Variants in HAPLN3 observed in about 807,000 individuals in gnomAD.
HAPLN3 encodes the protein extracellular link domain containing, 1.
A neutral mutation model predicts 28.1 loss-of-function variants in HAPLN3; 28 were observed. The observed-to-expected ratio is 1.00, with a 90% CI of 0.74 to 1.37. The LOEUF is 1.37. HAPLN3 is among the 40% of genes most tolerant of loss of function. HAPLN3 has a pLI of 0.00. For missense variants in HAPLN3, 513 were observed against 504.6 expected (o/e 1.02, Z -0.16); for synonymous variants, 211 against 213.1 (o/e 0.99, Z 0.09).
At position 88,887,261 on chromosome 15, in the gene HAPLN3, G is replaced by C. The variant is rs1251377970; in HGVS notation, c.38C>G (p.Pro13Arg). 6.2e-7 allele frequency: 1 copy of C among 1,614,146 alleles called. No homozygotes were observed. ...GTAGAAGGGCAGTCCGTAGGAGCCG[G>C]GCAGCAGGAGCAACGGGACCAGGAG... ...LLLLVPLLLL[P>R]GSYGLPFYNG... The change falls in exon 2 of 5, where the codon CCC becomes CGC. Residue 13 changes from proline to arginine, a missense_variant. Coordinates refer to ENST00000359595, the MANE Select transcript of HAPLN3 (RefSeq NM_178232.4).
chr15:88,893,488 T>C (rs1898069482), intron 1 of HAPLN3, among the ~76,000 whole-genome samples: 1 of 151,790 alleles, frequency 6.6e-6, no homozygotes, highest in Non-Finnish European at 1.5e-5. Context: ...ATGCAGCAGG[T>C]GCTCAACAAA....
chr15:88,877,836 TAAA>T lies in HAPLN3; in HGVS notation c.*131_*133del, dbSNP rs545619979. ...GTTCTGTTTGCTTTACAAAAAATAGTAAAAAAATGTTTAAAGAAAATTTAAATT... is the reference window on the plus strand; with the variant it reads ...GTTCTGTTTGCTTTACAAAAAATAGTAAAATGTTTAAAGAAAATTTAAATT... On this transcript the variant is annotated 3_prime_UTR_variant, in exon 5 of 5. Coordinates refer to ENST00000359595, the MANE Select transcript of HAPLN3 (RefSeq NM_178232.4). This position sits in a 1 kb window ranked among gnomAD's most constrained non-coding sequence, Gnocchi z 5.1. 4.3e-6 allele frequency: 4 copies of T among 926,942 alleles called. No homozygotes were observed. Among genetic ancestry groups the T allele is most frequent in the Non-Finnish European group, 6.3e-6 (4 of 634,450 alleles). 57.4% of individuals were successfully genotyped at this position (926,942 alleles called of 1,614,324 possible).
chr15:88,893,252 T>A (rs1898061147), intron 1 of HAPLN3: 2 of 599,994 alleles, frequency 3.3e-6, no homozygotes, highest in Non-Finnish European at 6.0e-6. Flanking sequence ...CCCCCATCTC[T>A]AATGAAAATA....
chr15:88,894,515 T>C (rs1453380068), intron 1 of HAPLN3, among the ~76,000 whole-genome samples: 2 of 152,178 alleles, frequency 1.3e-5, no homozygotes, highest in Non-Finnish European at 2.9e-5. Context: ...TCCCTGTCCC[T>C]GTTTGCACAA....
chr15:88,895,248 G>A lies in HAPLN3; in HGVS notation c.-48+211C>T, dbSNP rs1898127066. 6.6e-6 allele frequency among the ~76,000 whole-genome samples: 1 copy of A among 152,088 alleles called. No individual in the cohort carries two copies. The highest frequency in any genetic ancestry group is 2.4e-5 in the African/African-American group (1 of 41,410). ...GAGGGTCCGGCGCCCGCATCCCCGC[G>A]CCGCTCCCTCCCCACTTGTGCCCCG... On this transcript the variant is annotated intron_variant, in intron 1 of 4. Transcript: ENST00000359595. The surrounding 1 kb of genome is among the most constrained non-coding windows in gnomAD (Gnocchi z 5.5).
chr15:88,892,465 A>G (rs1332582467), intron 1 of HAPLN3, among the ~76,000 whole-genome samples: 1 of 151,998 alleles, frequency 6.6e-6, no homozygotes, highest in Non-Finnish European at 1.5e-5. Context: ...TCAAAAAAAA[A>G]AGAAAAGAAA....
chr15:88,891,402 A>G (rs111444379), intron 1 of HAPLN3, among the ~76,000 whole-genome samples: 22,894 of 151,190 alleles, frequency 0.15, 2,168 homozygotes, highest in South Asian at 0.28. Flanking sequence ...GTTCAAATGA[A>G]TCTCCTGCCT....
Position 88,881,442 on chromosome 15 carries a change from C to G in HAPLN3, c.408G>C (p.Leu136=). The change falls in exon 3 of 5, where the codon CTG becomes CTC. Residue 136 remains leucine (L), a synonymous_variant. Transcript: ENST00000359595. This position sits in a 1 kb window ranked among gnomAD's most constrained non-coding sequence, Gnocchi z 6.0. ...EHDVSLEIQD[L]RLEDYGRYRC... is the part of the protein sequence containing the mutation. ...GGTAACGCCCATAGTCCTCCAGCCG[C>G]AGATCCTGGATCTCCAGCGAGACGT... The G allele has an allele frequency of 6.2e-7, 1 of 1,614,102 alleles. No homozygotes were observed. Among genetic ancestry groups the G allele is most frequent in the Non-Finnish European group, 8.5e-7 (1 of 1,180,042 alleles).
At position 88,880,529 on chromosome 15, in the gene HAPLN3, G is replaced by C. The variant is rs1262467338; in HGVS notation, c.493+828C>G. 2.3e-6 allele frequency: 3 copies of C among 1,284,610 alleles called. No individual in the cohort carries two copies. The highest frequency in any genetic ancestry group is 4.6e-5 in the Admixed American group (2 of 43,524). 79.6% of individuals were successfully genotyped at this position (1,284,610 alleles called of 1,614,324 possible). ...CACATGTCATAGCTGGGACGGGCTG[G>C]GGCTAAAGTCAGGTCACCTTCCTCT... is the stretch of plus-strand genomic sequence containing the variant. On this transcript the variant is annotated intron_variant, in intron 3 of 4. Transcript: ENST00000359595. The surrounding 1 kb of genome is among the most constrained non-coding windows in gnomAD (Gnocchi z 6.0).
chr15:88,890,708 TC>T (rs1278161226), intron 1 of HAPLN3, among the ~76,000 whole-genome samples: 1 of 152,134 alleles, frequency 6.6e-6, no homozygotes, highest in Non-Finnish European at 1.5e-5. Context: ...CAGATGCCTT[TC>T]CCTGGTATTC....
At chr15:88,893,805 G>A (rs745907689) in intron 1 of HAPLN3, among the ~76,000 whole-genome samples, 3 of 151,836 alleles carry the variant, frequency 2.0e-5, no homozygotes, top group Non-Finnish European at 4.4e-5. Context: ...ATGAGCGCTT[G>A]TAGTCCCAGC....
chr15:88,879,561 C>T lies in HAPLN3; in HGVS notation c.494-292G>A. The T allele has an allele frequency of 7.1e-7, 1 of 1,405,934 alleles. No homozygotes were observed. The highest frequency in any genetic ancestry group is 9.4e-7 in the Non-Finnish European group (1 of 1,063,620). 87.1% of individuals were successfully genotyped at this position (1,405,934 alleles called of 1,614,324 possible). A position where few individuals can be genotyped will look rare whatever the true frequency, so the allele number is the denominator to read the frequency against. On this transcript the variant is annotated intron_variant, in intron 3 of 4. Transcript: ENST00000359595. This position sits in a 1 kb window ranked among gnomAD's most constrained non-coding sequence, Gnocchi z 5.0. ...TAATCCGCAAGGCTGTCGCCAGACCCCCAGTGAGGCTGTGCCATCTTCTCC... is the reference window on the plus strand; with the variant it reads ...TAATCCGCAAGGCTGTCGCCAGACCTCCAGTGAGGCTGTGCCATCTTCTCC...
At chr15:88,887,028 C>G in intron 2 of HAPLN3, 147 bp downstream of exon 2, 1 of 855,294 alleles carries the variant, frequency 1.2e-6, no homozygotes, top group East Asian at 2.4e-5. Flanking sequence ...CTTCCCCTGT[C>G]TGAGAAGCAA....
Position 88,880,587 on chromosome 15 carries a change from G to C in HAPLN3, c.493+770C>G, listed in dbSNP as rs548111448. 2.3e-6 allele frequency: 3 copies of C among 1,288,814 alleles called. No individual in the cohort carries two copies. The highest frequency in any genetic ancestry group is 1.2e-5 in the South Asian group (1 of 80,984). The allele number at this position is 1,288,814 out of a possible 1,614,324, so 79.8% of individuals were successfully genotyped here. A position where few individuals can be genotyped will look rare whatever the true frequency, so the allele number is the denominator to read the frequency against. On this transcript the variant is annotated intron_variant, in intron 3 of 4. Coordinates refer to ENST00000359595, the MANE Select transcript of HAPLN3 (RefSeq NM_178232.4). The surrounding 1 kb of genome is among the most constrained non-coding windows in gnomAD (Gnocchi z 6.0). ...AACTGCCTCCCTAACATGTGGGAGA[G>C]ATGTGAGGACACACAGCCCCATCCT...
intron 1 of HAPLN3, among the ~76,000 whole-genome samples, chr15:88,893,396 C>T (rs113816368): frequency 1.4e-4 from 21 of 150,646 alleles, no homozygotes; most frequent in Admixed American, 1.1e-3. Context: ...CCAGACTGGC[C>T]GACAGAGCAA....
Position 88,893,232 on chromosome 15 carries a change from C to A in HAPLN3, c.-48+2227G>T, listed in dbSNP as rs370706637. On this transcript the variant is annotated intron_variant, in intron 1 of 4. Coordinates refer to ENST00000359595, the MANE Select transcript of HAPLN3 (RefSeq NM_178232.4). Reference sequence around the variant, plus strand: ...AGGAGTTCGAGACTGGCCTGGCCAACACAGTGAAACCCCCATCTCTAATGA... The same window carrying A: ...AGGAGTTCGAGACTGGCCTGGCCAAAACAGTGAAACCCCCATCTCTAATGA... The A allele has an allele frequency of 2.4e-3, 1,487 of 622,594 alleles. 11 individuals are homozygous for A. The highest frequency in any genetic ancestry group is 4.9e-3 in the South Asian group (267 of 54,114). 38.6% of individuals were successfully genotyped at this position (622,594 alleles called of 1,614,324 possible).
intron 1 of HAPLN3, among the ~76,000 whole-genome samples, chr15:88,889,399 G>C (rs1028986773): frequency 2.7e-4 from 41 of 152,270 alleles, no homozygotes; most frequent in African/African-American, 8.7e-4. Context: ...GCCGTGGCAA[G>C]ATCTGAGCTC....
rs1027495043 is a variant in HAPLN3, at chr15:88,879,426, C to T, written c.494-157G>A. On this transcript the variant is annotated intron_variant, in intron 3 of 4. Coordinates refer to ENST00000359595, the MANE Select transcript of HAPLN3 (RefSeq NM_178232.4). This position sits in a 1 kb window ranked among gnomAD's most constrained non-coding sequence, Gnocchi z 5.0. ...CTCAGCAAACCTCTGACCTCCTGTC[C>T]GTTGCCGCCTCTCTCCTGGGACTCA... 1.5e-5 allele frequency: 23 copies of T among 1,534,974 alleles called. No individual in the cohort carries two copies. Among genetic ancestry groups the T allele is most frequent in the African/African-American group, 1.4e-4 (10 of 73,038 alleles).
chr15:88,884,845 A>C (rs72749905), intron 2 of HAPLN3, among the ~76,000 whole-genome samples: 14,853 of 152,244 alleles, frequency 0.098, 830 homozygotes, highest in Non-Finnish European at 0.13. Flanking sequence ...AAGGAGGCAG[A>C]GCCTGCAGTG....
Sources: allele counts gnomAD v4.1 joint callset (sites outside exome capture counted in the v4.1 genomes callset), GRCh38; gene constraint gnomAD v4.1.1; non-coding constraint Gnocchi (gnomAD v3.1); transcripts MANE v1.5; gene names NCBI Gene and HGNC (gene_info 2026-07-23, HGNC 2026-07-21).